DIPK1A: variants seen among roughly 807,000 people sequenced by gnomAD.
The protein encoded by DIPK1A is family with sequence similarity 69 member A.
In DIPK1A, 27 loss-of-function variants were observed where a neutral mutation model predicts 40.8. That is an observed-to-expected ratio of 0.66 (90% CI 0.49 to 0.91). The LOEUF (loss-of-function observed/expected upper bound fraction) is 0.91. Among genes scored for constraint, DIPK1A ranks in the 40% least tolerant of loss-of-function variants. The pLI, the probability that DIPK1A is intolerant of heterozygous loss-of-function variation, is 0.00. For missense variants in DIPK1A, 412 were observed against 505.7 expected (o/e 0.81, Z 1.78); for synonymous variants, 166 against 171.3 (o/e 0.97, Z 0.24).
intron 1 of DIPK1A, among the ~76,000 whole-genome samples, chr1:92,960,233 C>T (rs1021758795): frequency 6.6e-6 from 1 of 152,058 alleles, no homozygotes; most frequent in African/African-American, 2.4e-5. Flanking sequence ...ATCATGCTTC[C>T]AATTTGCAAT....
At chr1:92,846,835 ATATATATG>A (rs1687635130) in intron 4 of DIPK1A, among the ~76,000 whole-genome samples, 2 of 4,204 alleles carry the variant, frequency 4.8e-4, no homozygotes, top group African/African-American at 1.9e-3. Context: ...ATATATATAT[ATATATATG>A]TGTGTATATA....
intron 2 of DIPK1A, among the ~76,000 whole-genome samples, chr1:92,861,582 C>T (rs1010738205): frequency 1.6e-4 from 24 of 152,064 alleles, no homozygotes; most frequent in African/African-American, 5.8e-4. Flanking sequence ...CCACCTTGGC[C>T]TCCCAATGTG....
chr1:92,891,576 C>T (rs955253969), intron 1 of DIPK1A, among the ~76,000 whole-genome samples: 2 of 152,158 alleles, frequency 1.3e-5, no homozygotes, highest in African/African-American at 4.8e-5. Context: ...CAGCTCCCAG[C>T]ATGAGCGATG....
At position 92,900,212 on chromosome 1, in the gene DIPK1A, C is replaced by T. The variant is rs149285447; in HGVS notation, c.55-23782G>A. Among the ~76,000 whole-genome samples the T allele has an allele frequency of 1.2e-3, 182 of 152,244 alleles. 2 individuals are homozygous for T. Among genetic ancestry groups the T allele is most frequent in the Non-Finnish European group, 1.7e-3 (114 of 68,020 alleles). ...ATCAAGTAGGTTTTCTACACCTTTT[C>T]CCTTCTTTTCTCTTTCTGAACTCCC... is the stretch of plus-strand genomic sequence containing the variant. On this transcript the variant is annotated intron_variant, in intron 1 of 4. Coordinates refer to ENST00000370310, the MANE Select transcript of DIPK1A (RefSeq NM_001006605.5).
chr1:92,872,543 G>C (rs531260821), intron 2 of DIPK1A, among the ~76,000 whole-genome samples: 7 of 152,214 alleles, frequency 4.6e-5, no homozygotes, highest in Middle Eastern at 3.4e-3. Context: ...TCTGCTTCTA[G>C]TATCTGTGTT....
chr1:92,867,173 G>T (rs1434014351), intron 2 of DIPK1A, among the ~76,000 whole-genome samples: 1 of 151,372 alleles, frequency 6.6e-6, no homozygotes, highest in African/African-American at 2.4e-5. Flanking sequence ...GCTCAGAAAT[G>T]GCAAAGCTGG....
intron 1 of DIPK1A, among the ~76,000 whole-genome samples, chr1:92,888,554 T>C (rs1440607319): frequency 1.3e-5 from 2 of 152,190 alleles, no homozygotes; most frequent in Non-Finnish European, 2.9e-5. Context: ...TGCCCAGTAG[T>C]GGAATTTCTG....
intron 4 of DIPK1A, among the ~76,000 whole-genome samples, chr1:92,844,879 GAAAAT>G (rs2100709238): frequency 6.7e-6 from 1 of 149,686 alleles, no homozygotes; most frequent in East Asian, 2.0e-4. Flanking sequence ...AAAGAGCAAT[GAAAAT>G]AAAACTTTTT....
At chr1:92,959,989 CAAGGAATCAGCCCG>C (rs1652008738) in intron 1 of DIPK1A, among the ~76,000 whole-genome samples, 2 of 143,922 alleles carry the variant, frequency 1.4e-5, no homozygotes, top group South Asian at 4.4e-4. Flanking sequence ...CTCCAGAGCT[CAAGGAATCAGCCCG>C]CCTCGGCCTC....
At chr1:92,922,662 T>C (rs1053879091) in intron 1 of DIPK1A, among the ~76,000 whole-genome samples, 3 of 152,226 alleles carry the variant, frequency 2.0e-5, no homozygotes, top group Non-Finnish European at 4.4e-5. Context: ...AATCCTATTC[T>C]TAAGTTCATT....
At chr1:92,915,003 T>TGGTGAAACC (rs1557482973) in intron 1 of DIPK1A, among the ~76,000 whole-genome samples, 6 of 148,946 alleles carry the variant, frequency 4.0e-5, no homozygotes, top group African/African-American at 1.5e-4. Flanking sequence ...GACCAGAGTC[T>TGGTGAAACC]CTTGAGCCTG....
intron 1 of DIPK1A, among the ~76,000 whole-genome samples, chr1:92,893,861 T>C (rs1448359438): frequency 6.6e-6 from 1 of 151,572 alleles, no homozygotes; most frequent in Non-Finnish European, 1.5e-5. Context: ...TCCTAGTCTC[T>C]GATAAAACAG....
chr1:92,851,433 C>T (rs929289517), intron 2 of DIPK1A, among the ~76,000 whole-genome samples: 3 of 147,822 alleles, frequency 2.0e-5, no homozygotes, highest in East Asian at 2.0e-4. Flanking sequence ...ATGCCAGCTA[C>T]TCGGGAGGCT....
chr1:92,908,767 G>T (rs1035230207), intron 1 of DIPK1A, among the ~76,000 whole-genome samples: 12 of 152,144 alleles, frequency 7.9e-5, no homozygotes, highest in African/African-American at 2.7e-4. Flanking sequence ...GTTCCTGAGA[G>T]GTTGGAAGGG....
At chr1:92,868,823 G>A (rs529705311) in intron 2 of DIPK1A, among the ~76,000 whole-genome samples, 32 of 151,968 alleles carry the variant, frequency 2.1e-4, no homozygotes, top group African/African-American at 6.8e-4. Context: ...AAAATTAGCC[G>A]GGCATGGTGG....
At chr1:92,954,891 TTATG>T (rs1651783517) in intron 1 of DIPK1A, among the ~76,000 whole-genome samples, 1 of 152,142 alleles carries the variant, frequency 6.6e-6, no homozygotes, top group African/African-American at 2.4e-5. Context: ...ACACAGATGT[TTATG>T]TAGCAGCCTT....
chr1:92,946,821 A>G (rs1651383687), intron 1 of DIPK1A, among the ~76,000 whole-genome samples: 1 of 151,732 alleles, frequency 6.6e-6, no homozygotes, highest in African/African-American at 2.4e-5. Flanking sequence ...GCACTTGTCT[A>G]TGGTCCCAAC....
intron 1 of DIPK1A, among the ~76,000 whole-genome samples, chr1:92,906,351 T>C (rs1466625843): frequency 4.6e-5 from 7 of 152,122 alleles, no homozygotes; most frequent in African/African-American, 1.7e-4. Flanking sequence ...AAGCACAAGT[T>C]GTTAAGGGCT....
At chr1:92,960,757 T>C (rs1652042020) in intron 1 of DIPK1A, among the ~76,000 whole-genome samples, 1 of 152,256 alleles carries the variant, frequency 6.6e-6, no homozygotes. Context: ...TTCAGGCTTA[T>C]CGGTCTCCAC....
Sources: gnomAD v4.1 joint callset for allele counts (sites outside exome capture counted in the v4.1 genomes callset) on GRCh38, gnomAD v4.1.1 for gene constraint, MANE v1.5 for transcripts, NCBI Gene and HGNC (gene_info 2026-07-23, HGNC 2026-07-21) for gene names.